ESRRG: variants seen among roughly 807,000 people sequenced by gnomAD.
ESRRG encodes the protein estrogen related receptor gamma, also known as estrogen-related receptor gamma.
A neutral mutation model predicts 44.0 loss-of-function variants in ESRRG; 13 were observed. The ratio of observed to expected loss-of-function variants is 0.30; its 90% CI spans 0.19 to 0.47. The LOEUF (loss-of-function observed/expected upper bound fraction) is 0.47. ESRRG is among the 20% of genes least tolerant of loss of function. The pLI, the probability that ESRRG is intolerant of heterozygous loss-of-function variation, is 1.00. For synonymous variants in ESRRG, 215 were observed against 214.6 expected (o/e 1.00, Z -0.02); for missense variants, 395 against 580.6 (o/e 0.68, Z 3.29).
intron 1 of ESRRG, among the ~76,000 whole-genome samples, chr1:216,677,880 G>T (rs1466511825): frequency 6.6e-6 from 1 of 152,196 alleles, no homozygotes; most frequent in Non-Finnish European, 1.5e-5. Context: ...TTTATCAATG[G>T]AAGAGGTGGT....
intron 3 of ESRRG, among the ~76,000 whole-genome samples, chr1:216,612,323 G>A (rs1235194566): frequency 2.6e-5 from 4 of 151,946 alleles, no homozygotes; most frequent in African/African-American, 9.7e-5. Flanking sequence ...AACATTTACT[G>A]TTGCCCAACC....
upstream of ESRRG, among the ~76,000 whole-genome samples, chr1:217,092,817 A>T (rs542591516): frequency 2.0e-5 from 3 of 152,332 alleles, no homozygotes; most frequent in Admixed American, 6.5e-5. Context: ...AAATTGCCTT[A>T]TGGAGACCTA....
intron 1 of ESRRG, among the ~76,000 whole-genome samples, chr1:216,718,633 T>A (rs1211935301): frequency 6.6e-6 from 1 of 151,812 alleles, no homozygotes; most frequent in East Asian, 1.9e-4. Flanking sequence ...TTCTATCTGT[T>A]GTGCTTTAGG....
intron 1 of ESRRG, among the ~76,000 whole-genome samples, chr1:217,025,819 T>C (rs1488169575): frequency 6.6e-6 from 1 of 152,222 alleles, no homozygotes; most frequent in African/African-American, 2.4e-5. Flanking sequence ...CCTAGGAAGA[T>C]CTTGGAAAAT....
At chr1:216,770,265 G>C (rs377035702) in intron 2 of ESRRG, among the ~76,000 whole-genome samples, 7 of 152,064 alleles carry the variant, frequency 4.6e-5, no homozygotes, top group African/African-American at 1.7e-4. Context: ...TGATTCAAAA[G>C]TACCCTGTGA....
At chr1:216,696,084 A>C (rs1295427496) in intron 1 of ESRRG, among the ~76,000 whole-genome samples, 3 of 152,140 alleles carry the variant, frequency 2.0e-5, no homozygotes, top group African/African-American at 7.2e-5. Flanking sequence ...TACTGATATA[A>C]TTTTATATGT....
chr1:216,977,624 C>A (rs902185684), intron 1 of ESRRG, among the ~76,000 whole-genome samples: 5 of 151,072 alleles, frequency 3.3e-5, no homozygotes, highest in African/African-American at 1.2e-4. Flanking sequence ...TGTCCTGACT[C>A]CCTACTCAGC....
At chr1:216,720,330 C>T (rs572517858) in intron 1 of ESRRG, among the ~76,000 whole-genome samples, 4 of 152,134 alleles carry the variant, frequency 2.6e-5, no homozygotes, top group Admixed American at 1.3e-4. Context: ...GAAAACTCCA[C>T]CAACACCACA....
chr1:216,612,793 C>T (rs1368593540), intron 3 of ESRRG, among the ~76,000 whole-genome samples: 3 of 152,168 alleles, frequency 2.0e-5, no homozygotes, highest in East Asian at 1.9e-4. Flanking sequence ...CCTGCAGCAG[C>T]GCAGTGGAAT....
chr1:216,960,654 T>C lies in ESRRG; in HGVS notation c.-105-20981A>G, dbSNP rs530671964. ...AGGCTGGAGTGCAGTGGTATAATCA[T>C]GGCTAGCTGCAGCCTTGAACTCTTG... is the stretch of plus-strand genomic sequence containing the variant. On this transcript the variant is annotated intron_variant, in intron 1 of 7. Transcript: ENST00000359162. Among the ~76,000 whole-genome samples the C allele has an allele frequency of 1.4e-3, 213 of 152,226 alleles. 1 individual carries two copies. Among genetic ancestry groups the C allele is most frequent in the Middle Eastern group, 0.014 (4 of 294 alleles).
intron 1 of ESRRG, among the ~76,000 whole-genome samples, chr1:216,687,391 AT>A (rs2078211902): frequency 6.6e-6 from 1 of 152,144 alleles, no homozygotes; most frequent in South Asian, 2.1e-4. Flanking sequence ...TTGTTACTAC[AT>A]TTGATTTGAC....
intron 3 of ESRRG, among the ~76,000 whole-genome samples, chr1:216,606,592 C>T (rs1483181748): frequency 1.3e-5 from 2 of 152,058 alleles, no homozygotes; most frequent in Non-Finnish European, 2.9e-5. Context: ...CCTCAGCACT[C>T]CCCCCACAAC....
At chr1:217,092,236 T>C (rs946434), upstream of ESRRG, among the ~76,000 whole-genome samples, 133,918 of 152,196 alleles carry the variant, frequency 0.88, 59,310 homozygotes, top group East Asian at 0.98. Flanking sequence ...TCCGGCTTCA[T>C]CCAAAATATA....
At chr1:216,750,061 A>G (rs1370089581) in intron 2 of ESRRG, among the ~76,000 whole-genome samples, 1 of 152,184 alleles carries the variant, frequency 6.6e-6, no homozygotes, top group African/African-American at 2.4e-5. Context: ...AAATGAATCA[A>G]CCAACCTTCC....
intron 3 of ESRRG, among the ~76,000 whole-genome samples, chr1:216,636,226 G>A (rs1055578293): frequency 2.0e-5 from 3 of 152,086 alleles, no homozygotes; most frequent in Non-Finnish European, 4.4e-5. Context: ...AATTCCAAAT[G>A]CATCCTCTTC....
chr1:216,546,192 CA>C (rs1404453091), intron 5 of ESRRG, among the ~76,000 whole-genome samples: 3 of 152,022 alleles, frequency 2.0e-5, no homozygotes, highest in African/African-American at 7.2e-5. Flanking sequence ...CTGACTGTAA[CA>C]ATCAAAATAT....
intron 1 of ESRRG, among the ~76,000 whole-genome samples, chr1:216,691,793 G>C (rs1033394716): frequency 1.3e-5 from 2 of 152,096 alleles, no homozygotes; most frequent in African/African-American, 4.8e-5. Flanking sequence ...CCTCAGCCTT[G>C]TATCTTAAAC....
At chr1:216,794,004 T>C (rs1576616438) in intron 2 of ESRRG, among the ~76,000 whole-genome samples, 1 of 150,776 alleles carries the variant, frequency 6.6e-6, no homozygotes, top group Non-Finnish European at 1.5e-5. Context: ...CCAGAGTATA[T>C]AGAAGAGAAA....
intron 1 of ESRRG, among the ~76,000 whole-genome samples, chr1:216,713,937 C>A (rs1253488427): frequency 6.6e-6 from 1 of 152,210 alleles, no homozygotes; most frequent in Non-Finnish European, 1.5e-5. Flanking sequence ...ATGAACAGCA[C>A]AGTTAACTGA....
Sources: allele counts gnomAD v4.1 joint callset (sites outside exome capture counted in the v4.1 genomes callset), GRCh38; gene constraint gnomAD v4.1.1; transcripts MANE v1.5; gene names NCBI Gene and HGNC (gene_info 2026-07-23, HGNC 2026-07-21).